Variants in DCAF11 observed in about 807,000 individuals in gnomAD.
DCAF11 encodes the protein DDB1 and CUL4 associated factor 11, also known as DDB1- and CUL4-associated factor 11.
A neutral mutation model predicts 76.1 loss-of-function variants in DCAF11; 44 were observed. The ratio of observed to expected loss-of-function variants is 0.58; its 90% CI spans 0.45 to 0.74. The LOEUF is 0.74. Among genes scored for constraint, DCAF11 ranks in the 30% least tolerant of loss-of-function variants. The pLI, the probability that DCAF11 is intolerant of heterozygous loss-of-function variation, is 0.00. For synonymous variants in DCAF11, 258 were observed against 255.0 expected (o/e 1.01, Z -0.11); for missense variants, 604 against 709.4 (o/e 0.85, Z 1.69).
Position 24,119,213 on chromosome 14 carries a change from G to A in DCAF11, c.848G>A (p.Gly283Glu), listed in dbSNP as rs1484045347. ...TCAGATGGACGAGAAGTACTAGGAG[G>A]GTAAGTGCTTGTGGGGTATGTTTCC... ...VSSDGREVLG[G>E]ANDGCLYVFD... is the part of the protein sequence containing the mutation. Residue 283 changes from glycine to glutamate, a missense_variant and splice_region_variant, in exon 9 of 15, where the codon GGG (glycine) becomes GAG (glutamate). Physicochemically the swap from Gly to Glu is moderately conservative, Grantham distance 98. Coordinates refer to ENST00000446197, the MANE Select transcript of DCAF11 (RefSeq NM_025230.5). The A allele has an allele frequency of 6.2e-7, 1 of 1,614,126 alleles. No homozygotes were observed. Among genetic ancestry groups the A allele is most frequent in the Admixed American group, 1.7e-5 (1 of 60,012 alleles).
intron 13 of DCAF11, among the ~76,000 whole-genome samples, chr14:24,122,609 C>T (rs1178848588): frequency 1.3e-5 from 2 of 152,098 alleles, no homozygotes; most frequent in Non-Finnish European, 2.9e-5. Context: ...AAGAAAGATG[C>T]ACCCTGTCCA....
intron 13 of DCAF11, 135 bp downstream of exon 13, chr14:24,121,652 T>A: frequency 1.1e-6 from 1 of 934,402 alleles, no homozygotes; most frequent in Non-Finnish European, 1.6e-6. Context: ...CTTGGAGGCT[T>A]AAACAGAGAA....
chr14:24,117,578 C>T lies in DCAF11; in HGVS notation c.412-90C>T. On this transcript the variant is annotated intron_variant, in intron 4 of 14. Transcript: ENST00000446197. The surrounding 1 kb of genome is among the most constrained non-coding windows in gnomAD (Gnocchi z 4.3). ...ATGATGTGTGTGTCCATTTCTATAA[C>T]AAGAGCAATATCTTTGGAGGAGGGG... is the stretch of plus-strand genomic sequence containing the variant. The T allele has an allele frequency of 1.9e-6, 3 of 1,540,124 alleles. No individual in the cohort carries two copies. Among genetic ancestry groups the T allele is most frequent in the Non-Finnish European group, 2.7e-6 (3 of 1,121,734 alleles).
At position 24,120,845 on chromosome 14, in the gene DCAF11, C is replaced by T; in HGVS notation, c.1100C>T (p.Ala367Val). The T allele has an allele frequency of 6.2e-7, 1 of 1,614,168 alleles. No individual in the cohort carries two copies. The highest frequency in any genetic ancestry group is 1.3e-5 in the African/African-American group (1 of 75,044). Residue 367 changes from alanine (A) to valine (V), a missense_variant, in exon 12 of 15, where the codon GCC becomes GTC. Transcript: ENST00000446197. ...GITFIDSKGD[A>V]RYLISNSKDQ... ...CCACCTTTGGATTCATAGGGTGATGCCCGGTATCTGATCTCCAACTCTAAA... is the reference window on the plus strand; with the variant it reads ...CCACCTTTGGATTCATAGGGTGATGTCCGGTATCTGATCTCCAACTCTAAA...
chr14:24,117,402 C>G lies in DCAF11; in HGVS notation c.411+9C>G. ...CTCGAATGTTGCACCAGGTAGGCCT[C>G]TCCACCTCCCAGCCTGGCAGCAGGC... is the stretch of plus-strand genomic sequence containing the variant. On this transcript the variant is annotated intron_variant, in intron 4 of 14. Coordinates refer to ENST00000446197, the MANE Select transcript of DCAF11 (RefSeq NM_025230.5). This position sits in a 1 kb window ranked among gnomAD's most constrained non-coding sequence, Gnocchi z 4.3. 6.2e-7 allele frequency: 1 copy of G among 1,613,790 alleles called. No homozygotes were observed. The highest frequency in any genetic ancestry group is 1.3e-5 in the African/African-American group (1 of 75,040).
chr14:24,117,578 CA>C lies in DCAF11; in HGVS notation c.412-88del. ...ATGATGTGTGTGTCCATTTCTATAA[CA>C]AGAGCAATATCTTTGGAGGAGGGGG... On this transcript the variant is annotated intron_variant, in intron 4 of 14. Transcript: ENST00000446197. The surrounding 1 kb of genome is among the most constrained non-coding windows in gnomAD (Gnocchi z 4.3). 6.5e-7 allele frequency: 1 copy of C among 1,540,126 alleles called. No individual in the cohort carries two copies. The highest frequency in any genetic ancestry group is 8.9e-7 in the Non-Finnish European group (1 of 1,121,736).
At position 24,117,014 on chromosome 14, in the gene DCAF11, G is replaced by A; in HGVS notation, c.253G>A (p.Gly85Ser). The A allele has an allele frequency of 6.2e-7, 1 of 1,614,148 alleles. No individual in the cohort carries two copies. The highest frequency in any genetic ancestry group is 8.5e-7 in the Non-Finnish European group (1 of 1,180,024). The stretch of plus-strand genomic sequence containing the variant: ...GGAAGAGAATGACAGAGCTTGGGAT[G>A]GTCGTCTTGGGGATCGATACAACCC... ...SEEENDRAWD[G>S]RLGDRYNPPV... Residue 85 changes from glycine (G) to serine (S), a missense_variant, in exon 3 of 15, where the codon GGT becomes AGT. Transcript: ENST00000446197. The surrounding 1 kb of genome is among the most constrained non-coding windows in gnomAD (Gnocchi z 4.3).
rs1310622670 is a variant in DCAF11 at position 24,119,776 on chromosome 14, C to G, written c.972C>G (p.Phe324Leu). 1.2e-6 allele frequency: 2 copies of G among 1,614,104 alleles called. No homozygotes were observed. Among genetic ancestry groups the G allele is most frequent in the Non-Finnish European group, 1.7e-6 (2 of 1,180,042 alleles). ...CTGATATAAGCTCCCAAATCCTGTT[C>G]TCTGGGGGAGATGATGCCATCTGCA... is the stretch of plus-strand genomic sequence containing the variant. Reference protein sequence around the residue: ...AFADISSQILFSGGDDAICKV... With the variant: ...AFADISSQILLSGGDDAICKV... Residue 324 changes from phenylalanine to leucine, a missense_variant, in exon 11 of 15, where the codon TTC (phenylalanine) becomes TTG (leucine). Phe to Leu is a conservative substitution (Grantham distance 22). Transcript: ENST00000446197.
At position 24,114,780 on chromosome 14, in the gene DCAF11, T is replaced by G; in HGVS notation, c.-727T>G. ...TGGCCAAGGGGGCGGGGCCGTCGTG[T>G]GACGTTTGCAGCCCGCCGGCCAGGA... is the stretch of plus-strand genomic sequence containing the variant. On this transcript the variant is annotated 5_prime_UTR_variant, in exon 1 of 15. Transcript: ENST00000446197. 1 of 985,926 alleles carries G rather than the reference T, an allele frequency of 1.0e-6. No individual in the cohort carries two copies. The highest frequency in any genetic ancestry group is 1.2e-6 in the Non-Finnish European group (1 of 829,946). 61.1% of individuals were successfully genotyped at this position (985,926 alleles called of 1,614,324 possible).
chr14:24,119,177 T>C lies in DCAF11; in HGVS notation c.812T>C (p.Ile271Thr). 1 of 1,614,220 alleles carries C rather than the reference T, an allele frequency of 6.2e-7. No individual in the cohort carries two copies. The highest frequency in any genetic ancestry group is 8.5e-7 in the Non-Finnish European group (1 of 1,180,026). ...GAGCGTCGCTTTGCTGTCTTCTCCA[T>C]TGCTGTCTCCTCAGATGGACGAGAA... ...PDERRFAVFS[I>T]AVSSDGREVL... Residue 271 changes from isoleucine to threonine, a missense_variant, in exon 9 of 15, where the codon ATT becomes ACT. By Grantham distance (89) the Ile-to-Thr change is moderately conservative. Transcript: ENST00000446197.
chr14:24,117,481 T>C lies in DCAF11; in HGVS notation c.411+88T>C, dbSNP rs543552492. 4 of 1,587,658 alleles carry C rather than the reference T, an allele frequency of 2.5e-6. No homozygotes were observed. The highest frequency in any genetic ancestry group is 1.7e-4 in the Middle Eastern group (1 of 5,860). ...CCCCAGAGAAAAAGGAAGTCAACTTTCCAAAGTAGAAGCCTCAAGCGCTGG... is the reference window on the plus strand; with the variant it reads ...CCCCAGAGAAAAAGGAAGTCAACTTCCCAAAGTAGAAGCCTCAAGCGCTGG... On this transcript the variant is annotated intron_variant, in intron 4 of 14. Transcript: ENST00000446197. The surrounding 1 kb of genome is among the most constrained non-coding windows in gnomAD (Gnocchi z 4.3).
intron 8 of DCAF11, 147 bp from the exon 9 acceptor site, chr14:24,118,998 G>T: frequency 1.7e-6 from 2 of 1,183,390 alleles, no homozygotes; most frequent in Non-Finnish European, 2.5e-6. Flanking sequence ...ATGATTTCTG[G>T]GTTCTCACTG....
At position 24,114,845 on chromosome 14, in the gene DCAF11, A is replaced by C; in HGVS notation, c.-662A>C. 1 of 985,916 alleles carries C rather than the reference A, an allele frequency of 1.0e-6. No individual in the cohort carries two copies. Among genetic ancestry groups the C allele is most frequent in the Non-Finnish European group, 1.2e-6 (1 of 829,954 alleles). The allele number at this position is 985,916 out of a possible 1,614,324, so 61.1% of individuals were successfully genotyped here. Reference sequence around the variant, plus strand: ...TGACGAGCGAAGCGCGTGACGGAGGAGCGGTTGGCCAACGCAGTGGCGGCA... The same window carrying C: ...TGACGAGCGAAGCGCGTGACGGAGGCGCGGTTGGCCAACGCAGTGGCGGCA... On this transcript the variant is annotated 5_prime_UTR_variant, in exon 1 of 15. Coordinates refer to ENST00000446197, the MANE Select transcript of DCAF11 (RefSeq NM_025230.5).
intron 8 of DCAF11, 94 bp from the exon 9 acceptor site, chr14:24,119,051 C>A (rs2037639271): frequency 1.3e-6 from 2 of 1,519,730 alleles, no homozygotes; most frequent in Admixed American, 1.7e-5. Flanking sequence ...TTCTTTTTTC[C>A]CCTGGGGATG....
chr14:24,115,928 G>A (rs901203289), intron 2 of DCAF11, among the ~76,000 whole-genome samples, 179 bp downstream of exon 2: 1 of 152,170 alleles, frequency 6.6e-6, no homozygotes, highest in African/African-American at 2.4e-5. Flanking sequence ...CCCAGTAAGA[G>A]TGGTTCTTAC....
At chr14:24,122,676 G>A (rs1447986470) in intron 13 of DCAF11, among the ~76,000 whole-genome samples, 1 of 152,108 alleles carries the variant, frequency 6.6e-6, no homozygotes, top group East Asian at 1.9e-4. Context: ...CTTTTGTGGT[G>A]CCTTCCATAT....
intron 9 of DCAF11, 39 bp downstream of exon 9, chr14:24,119,252 T>C: frequency 6.2e-7 from 1 of 1,611,796 alleles, no homozygotes; most frequent in Non-Finnish European, 8.5e-7. Flanking sequence ...AATAACAAGA[T>C]GGGGGTTCTG....
chr14:24,119,183 T>C lies in DCAF11; in HGVS notation c.818T>C (p.Val273Ala). ...CGCTTTGCTGTCTTCTCCATTGCTG[T>C]CTCCTCAGATGGACGAGAAGTACTA... is the stretch of plus-strand genomic sequence containing the variant. ...ERRFAVFSIAVSSDGREVLGG... is the reference protein window; with the variant it reads ...ERRFAVFSIAASSDGREVLGG... The change falls in exon 9 of 15, where the codon GTC (valine) becomes GCC (alanine). Residue 273 changes from valine to alanine, a missense_variant. By Grantham distance (64) the Val-to-Ala change is moderately conservative. Transcript: ENST00000446197. 2 of 1,614,186 alleles carry C rather than the reference T, an allele frequency of 1.2e-6. No individual in the cohort carries two copies. The highest frequency in any genetic ancestry group is 1.7e-6 in the Non-Finnish European group (2 of 1,180,016).
rs191186717 is a variant in DCAF11 at position 24,117,690 on chromosome 14, G to A, written c.434G>A (p.Arg145Gln). Residue 145 changes from arginine to glutamine, a missense_variant, in exon 5 of 15, where the codon CGG (arginine) becomes CAG (glutamine). By Grantham distance (43) the Arg-to-Gln change is conservative. Coordinates refer to ENST00000446197, the MANE Select transcript of DCAF11 (RefSeq NM_025230.5). The surrounding 1 kb of genome is among the most constrained non-coding windows in gnomAD (Gnocchi z 4.3). Reference sequence around the variant, plus strand: ...TAGAGAGAACGGGGCCTCTGCCATCGGGGAAGCTTCTCCCTTGGAGAACAG... The same window carrying A: ...TAGAGAGAACGGGGCCTCTGCCATCAGGGAAGCTTCTCCCTTGGAGAACAG... ...LHQRERGLCH[R>Q]GSFSLGEQSR... 16 of 1,614,074 alleles carry A rather than the reference G, an allele frequency of 9.9e-6. No homozygotes were observed. Among genetic ancestry groups the A allele is most frequent in the East Asian group, 4.5e-5 (2 of 44,868 alleles).
Sources: gnomAD v4.1 joint callset for allele counts (sites outside exome capture counted in the v4.1 genomes callset) on GRCh38, gnomAD v4.1.1 for gene constraint, Gnocchi (gnomAD v3.1) non-coding constraint, MANE v1.5 for transcripts, NCBI Gene and HGNC (gene_info 2026-07-23, HGNC 2026-07-21) for gene names.